The following MAP3K5 variants were observed in gnomAD, a reference collection of about 807,000 sequenced individuals.
MAP3K5 encodes ASK-1.
A neutral mutation model predicts 158.7 loss-of-function variants in MAP3K5; 56 were observed. The observed-to-expected ratio is 0.35, with a 90% CI of 0.28 to 0.44. The LOEUF (loss-of-function observed/expected upper bound fraction) is 0.44. Among genes scored for constraint, MAP3K5 ranks in the 20% least tolerant of loss-of-function variants. The pLI is 1.00. For synonymous variants in MAP3K5, 579 were observed against 601.7 expected (o/e 0.96, Z 0.55); for missense variants, 1,294 against 1,674.8 (o/e 0.77, Z 3.97).
At chr6:136,791,036 T>C (rs1235174500) in intron 1 of MAP3K5, among the ~76,000 whole-genome samples, 1 of 152,114 alleles carries the variant, frequency 6.6e-6, no homozygotes, top group Non-Finnish European at 1.5e-5. Context: ...CCCACCATGG[T>C]TTATGGGGTA....
intron 7 of MAP3K5, among the ~76,000 whole-genome samples, chr6:136,688,611 G>C (rs1780256482): frequency 6.6e-6 from 1 of 152,134 alleles, no homozygotes; most frequent in Admixed American, 6.5e-5. Flanking sequence ...TAAAATAAAA[G>C]AGCCAGAATT....
chr6:136,727,050 A>C (rs187876089), intron 1 of MAP3K5, among the ~76,000 whole-genome samples: 20 of 152,308 alleles, frequency 1.3e-4, no homozygotes, highest in Admixed American at 1.0e-3. Flanking sequence ...TCATTACCTA[A>C]CTAAAGAAAA....
chr6:136,661,445 G>T (rs1779001765), intron 8 of MAP3K5, among the ~76,000 whole-genome samples: 1 of 152,162 alleles, frequency 6.6e-6, no homozygotes, highest in South Asian at 2.1e-4. Context: ...GCCCAGGCTG[G>T]AGTGCAGTGG....
chr6:136,720,695 C>T (rs1321477), intron 1 of MAP3K5, 106 bp from the exon 2 acceptor site: 351,917 of 792,054 alleles, frequency 0.44, 81,625 homozygotes, highest in East Asian at 0.48. Flanking sequence ...AATAAGGAAA[C>T]GATAGGGATT....
chr6:136,732,350 G>T (rs1197894273), intron 1 of MAP3K5, among the ~76,000 whole-genome samples: 3 of 152,122 alleles, frequency 2.0e-5, no homozygotes, highest in African/African-American at 7.2e-5. Flanking sequence ...ACTTGAACCC[G>T]GGAAGTGGAA....
Position 136,683,711 on chromosome 6 carries a change from T to C in MAP3K5, c.1253+10429A>G, listed in dbSNP as rs548799201. 3.9e-5 allele frequency among the ~76,000 whole-genome samples: 6 copies of C among 152,302 alleles called. No individual in the cohort carries two copies. In the East Asian group the frequency reaches 1.2e-3, roughly 29 times the overall value. On this transcript the variant is annotated intron_variant, in intron 7 of 29. Transcript: ENST00000359015. ...AAGATCACACTGTTTCCAAGTATTG[T>C]GTAAACACTGATCCCTTGTGAGTCT... is the stretch of plus-strand genomic sequence containing the variant.
chr6:136,656,562 AAT>A, intron 9 of MAP3K5, 102 bp from the exon 10 acceptor site: 1 of 696,882 alleles, frequency 1.4e-6, no homozygotes, highest in East Asian at 2.5e-5. Flanking sequence ...ACATGACATT[AAT>A]AGTTATGCAT....
chr6:136,604,555 T>C (rs1393351593), intron 19 of MAP3K5, among the ~76,000 whole-genome samples: 2 of 152,090 alleles, frequency 1.3e-5, no homozygotes, highest in African/African-American at 2.4e-5. Context: ...ACTGCAGGGA[T>C]TCAAGATGCA....
At chr6:136,575,344 T>C (rs1366203022) in intron 25 of MAP3K5, among the ~76,000 whole-genome samples, 1 of 151,724 alleles carries the variant, frequency 6.6e-6, no homozygotes, top group African/African-American at 2.4e-5. Flanking sequence ...GTATTTTTCA[T>C]GTAGAGATGC....
At chr6:136,670,172 G>A (rs564503406) in intron 7 of MAP3K5, among the ~76,000 whole-genome samples, 8 of 152,122 alleles carry the variant, frequency 5.3e-5, no homozygotes, top group East Asian at 1.9e-4. Context: ...GCATAAAACC[G>A]AGTATCAACC....
chr6:136,642,369 T>C (rs946742528), intron 12 of MAP3K5, 151 bp downstream of exon 12: 161 of 673,846 alleles, frequency 2.4e-4, no homozygotes, highest in Admixed American at 1.3e-3. Flanking sequence ...CTAAAGGAGA[T>C]AGTGACACTG....
At chr6:136,756,843 G>A (rs571015095) in intron 1 of MAP3K5, among the ~76,000 whole-genome samples, 4 of 152,300 alleles carry the variant, frequency 2.6e-5, no homozygotes, top group South Asian at 2.1e-4. Flanking sequence ...CTGATGGCCC[G>A]GTGCATGTGG....
intron 1 of MAP3K5, among the ~76,000 whole-genome samples, chr6:136,753,171 A>AT (rs1188439206): frequency 6.6e-6 from 1 of 152,250 alleles, no homozygotes; most frequent in African/African-American, 2.4e-5. Flanking sequence ...CCACAGATGC[A>AT]TAAAAAAAGA....
chr6:136,792,356 C>T lies in MAP3K5; in HGVS notation c.-199G>A, dbSNP rs1785120964. On this transcript the variant is annotated 5_prime_UTR_variant, in exon 1 of 30. Transcript: ENST00000359015. This position sits in a 1 kb window ranked among gnomAD's most constrained non-coding sequence, Gnocchi z 5.7. ...CGCTGCCCGGCGGCGGCTCGCTCCT[C>T]CTCGGCGCCTCCGTGGCCGCGCCGC... is the stretch of plus-strand genomic sequence containing the variant. 2.0e-6 allele frequency: 2 copies of T among 1,004,060 alleles called. No homozygotes were observed. Among genetic ancestry groups the T allele is most frequent in the Non-Finnish European group, 2.4e-6 (2 of 843,762 alleles). The allele number at this position is 1,004,060 out of a possible 1,614,324, so 62.2% of individuals were successfully genotyped here.
chr6:136,755,076 C>G (rs1257511990), intron 1 of MAP3K5, among the ~76,000 whole-genome samples: 1 of 152,032 alleles, frequency 6.6e-6, no homozygotes, highest in African/African-American at 2.4e-5. Flanking sequence ...CCACTCCATT[C>G]GCAACACAAA....
At chr6:136,607,891 C>T (rs997858551) in intron 18 of MAP3K5, among the ~76,000 whole-genome samples, 2 of 152,168 alleles carry the variant, frequency 1.3e-5, no homozygotes, top group Non-Finnish European at 2.9e-5. Context: ...GTAAATTATA[C>T]AGCATGTTAG....
intron 3 of MAP3K5, among the ~76,000 whole-genome samples, chr6:136,701,517 A>G (rs1421372738): frequency 6.6e-6 from 1 of 152,214 alleles, no homozygotes; most frequent in Non-Finnish European, 1.5e-5. Context: ...AGAGGAAACA[A>G]TAATTGGAAA....
At chr6:136,649,056 G>T (rs550107256) in intron 11 of MAP3K5, among the ~76,000 whole-genome samples, 2 of 152,254 alleles carry the variant, frequency 1.3e-5, no homozygotes, top group South Asian at 4.1e-4. Context: ...TGCAACCTCT[G>T]CCTCCCGGGT....
intron 3 of MAP3K5, among the ~76,000 whole-genome samples, chr6:136,702,439 T>G (rs963795229): frequency 6.6e-6 from 1 of 152,226 alleles, no homozygotes; most frequent in African/African-American, 2.4e-5. Context: ...ATTTTCTGTG[T>G]GCAGATTGCC....
Sources: allele counts gnomAD v4.1 joint callset (sites outside exome capture counted in the v4.1 genomes callset), GRCh38; gene constraint gnomAD v4.1.1; non-coding constraint Gnocchi (gnomAD v3.1); transcripts MANE v1.5; gene names NCBI Gene and HGNC (gene_info 2026-07-23, HGNC 2026-07-21).